DDC: variants seen among roughly 807,000 people sequenced by gnomAD.
The protein encoded by DDC is dopa decarboxylase.
A neutral mutation model predicts 60.0 loss-of-function variants in DDC; 43 were observed. The observed-to-expected ratio is 0.72, with a 90% CI of 0.56 to 0.92. The LOEUF is 0.92. DDC is among the 40% of genes least tolerant of loss of function. The probability of loss-of-function intolerance (pLI) is 0.00; values close to 1 mark genes in which losing one functional copy is unlikely to be tolerated. For synonymous variants in DDC, 232 were observed against 234.6 expected (o/e 0.99, Z 0.10); for missense variants, 573 against 620.2 (o/e 0.92, Z 0.81).
intron 11 of DDC, 51 bp downstream of exon 11, chr7:50,476,573 C>A (rs773692679): frequency 1.4e-6 from 2 of 1,380,938 alleles, no homozygotes; most frequent in Non-Finnish European, 1.9e-6. Flanking sequence ...TGTGGCGTAG[C>A]CCCCCAGCAC....
chr7:50,479,436 T>C (rs927513719), intron 10 of DDC, among the ~76,000 whole-genome samples: 1 of 152,214 alleles, frequency 6.6e-6, no homozygotes, highest in Non-Finnish European at 1.5e-5. Context: ...AGCCTTTTTG[T>C]AGACATTATG....
intron 6 of DDC, among the ~76,000 whole-genome samples, chr7:50,511,752 A>T (rs752878997): frequency 6.6e-6 from 1 of 152,166 alleles, no homozygotes; most frequent in Non-Finnish European, 1.5e-5. Context: ...GAAAAAGAAA[A>T]AAAATTGATT....
In DDC at chr7:50,458,551, A is replaced by T. The variant is rs2042175337; in HGVS notation, c.*311T>A. The T allele has an allele frequency of 6.6e-6, 1 of 152,268 alleles. No homozygotes were observed. Among genetic ancestry groups the T allele is most frequent in the African/African-American group, 2.4e-5 (1 of 41,480 alleles). 9.4% of individuals were successfully genotyped at this position (152,268 alleles called of 1,614,324 possible). On this transcript the variant is annotated 3_prime_UTR_variant, in exon 15 of 15. Transcript: ENST00000444124. ...CATTGATTGCCCTGGAAAATATATC[A>T]GTGAGGCTTTCCTACCACTTCTGAT...
At chr7:50,536,555 G>C (rs572633701) in intron 4 of DDC, among the ~76,000 whole-genome samples, 1 of 152,360 alleles carries the variant, frequency 6.6e-6, no homozygotes, top group Non-Finnish European at 1.5e-5. Context: ...GAAGCCTCTA[G>C]AAGTCAGAAG....
At chr7:50,549,290 C>T (rs1393180613) in intron 1 of DDC, among the ~76,000 whole-genome samples, 1 of 152,160 alleles carries the variant, frequency 6.6e-6, no homozygotes, top group African/African-American at 2.4e-5. Flanking sequence ...GATAGTCATT[C>T]CTCTGATGAA....
intron 1 of DDC, among the ~76,000 whole-genome samples, chr7:50,547,842 A>G (rs1370544834): frequency 6.6e-6 from 1 of 152,246 alleles, no homozygotes; most frequent in African/African-American, 2.4e-5. Context: ...AATCGTGACA[A>G]TAATAGTATA....
At chr7:50,551,619 A>T (rs1180343674) in intron 1 of DDC, among the ~76,000 whole-genome samples, 1 of 152,074 alleles carries the variant, frequency 6.6e-6, no homozygotes, top group Non-Finnish European at 1.5e-5. Flanking sequence ...TTTCTTGCTC[A>T]CTGCATTCTT....
intron 11 of DDC, among the ~76,000 whole-genome samples, chr7:50,475,953 G>A (rs145197411): frequency 0.012 from 1,788 of 152,222 alleles, 32 homozygotes; most frequent in African/African-American, 0.041. Context: ...GCCTCTCAAA[G>A]TGCTGGGATT....
rs139055567 is a variant in DDC at position 50,556,949 on chromosome 7, G to A, written c.-29+8336C>T. Among the ~76,000 whole-genome samples, 604 of 152,308 alleles carry A rather than the reference G, an allele frequency of 4.0e-3. 10 individuals are homozygous for A. Among genetic ancestry groups the A allele is most frequent in the Admixed American group, 0.034 (517 of 15,304 alleles). On this transcript the variant is annotated intron_variant, in intron 1 of 14. Coordinates refer to ENST00000444124, the MANE Select transcript of DDC (RefSeq NM_001082971.2). ...AAGAGGCATGCAGCTGCTGGCTGAC[G>A]TCTTGGAGTCTCTGAGTCTGTTTCT...
intron 5 of DDC, 99 bp from the exon 6 acceptor site, chr7:50,528,379 G>C: frequency 6.7e-7 from 1 of 1,493,974 alleles, no homozygotes; most frequent in Non-Finnish European, 9.3e-7. Flanking sequence ...GCAAACACAA[G>C]GTCCCTCTTA....
intron 3 of DDC, chr7:50,539,711 G>T: frequency 1.7e-6 from 1 of 573,732 alleles, no homozygotes. Flanking sequence ...GCTTTGAGTT[G>T]TTGAGACTTT....
At chr7:50,460,265 C>G (rs965594143) in intron 14 of DDC, among the ~76,000 whole-genome samples, 1 of 146,646 alleles carries the variant, frequency 6.8e-6, no homozygotes, top group African/African-American at 2.6e-5. Flanking sequence ...GCCTGCCGCC[C>G]CGTCCGGGAG....
intron 1 of DDC, among the ~76,000 whole-genome samples, chr7:50,545,095 T>C (rs1362017849): frequency 6.6e-6 from 1 of 152,102 alleles, no homozygotes; most frequent in Non-Finnish European, 1.5e-5. Flanking sequence ...AACATAAAAA[T>C]GTGAAGGATG....
intron 6 of DDC, among the ~76,000 whole-genome samples, chr7:50,521,775 C>T (rs1280223371): frequency 6.6e-6 from 1 of 152,142 alleles, no homozygotes; most frequent in African/African-American, 2.4e-5. Flanking sequence ...TGATGAATGA[C>T]ATCTACTCTT....
chr7:50,512,773 A>G (rs2043616059), intron 6 of DDC, among the ~76,000 whole-genome samples: 1 of 152,190 alleles, frequency 6.6e-6, no homozygotes, highest in African/African-American at 2.4e-5. Flanking sequence ...GGGGGATAAA[A>G]AGGGCCAGTG....
At chr7:50,551,525 G>T (rs867165586) in intron 1 of DDC, among the ~76,000 whole-genome samples, 1 of 152,074 alleles carries the variant, frequency 6.6e-6, no homozygotes, top group African/African-American at 2.4e-5. Flanking sequence ...GAGCCACCGC[G>T]CCCGGCCCCA....
At chr7:50,478,897 G>A (rs2042706949) in intron 10 of DDC, among the ~76,000 whole-genome samples, 1 of 152,166 alleles carries the variant, frequency 6.6e-6, no homozygotes, top group African/African-American at 2.4e-5. Flanking sequence ...TGGGATTACA[G>A]GAATTTTCTG....
Position 50,463,198 on chromosome 7 carries a change from C to T in DDC, c.*18+15G>A. The stretch of plus-strand genomic sequence containing the variant: ...GACAAGGAGACAGGCAGAAAATGAG[C>T]CCAGGGCAGCCTACCTGCAGCTGGC... On this transcript the variant is annotated intron_variant, in intron 14 of 14. Coordinates refer to ENST00000444124, the MANE Select transcript of DDC (RefSeq NM_001082971.2). 1 of 1,575,652 alleles carries T rather than the reference C, an allele frequency of 6.3e-7. No homozygotes were observed.
At chr7:50,543,262 G>A (rs1250201663) in intron 2 of DDC, 1 of 160,298 alleles carries the variant, frequency 6.2e-6, no homozygotes, top group African/African-American at 2.4e-5. Context: ...AAAATCTACT[G>A]TGGAAGCGTA....
Sources: gnomAD v4.1 joint callset for allele counts (sites outside exome capture counted in the v4.1 genomes callset) on GRCh38, gnomAD v4.1.1 for gene constraint, MANE v1.5 for transcripts, NCBI Gene and HGNC (gene_info 2026-07-23, HGNC 2026-07-21) for gene names.